Variants in PDE4D observed in about 807,000 individuals in gnomAD.
PDE4D encodes the protein 3',5'-cyclic-AMP phosphodiesterase 4D.
Under a neutral mutation model 87.4 loss-of-function variants are expected in PDE4D, and 24 were observed. That is an observed-to-expected ratio of 0.27 (90% CI 0.20 to 0.39). The LOEUF (loss-of-function observed/expected upper bound fraction) is 0.39. Among genes scored for constraint, PDE4D ranks in the 10% least tolerant of loss-of-function variants. The pLI, the probability that PDE4D is intolerant of heterozygous loss-of-function variation, is 1.00. For synonymous variants in PDE4D, 384 were observed against 383.2 expected, an observed-to-expected ratio of 1.00 and a Z score of -0.02; for missense variants, 714 against 1,041.0, an observed-to-expected ratio of 0.69 and a Z score of 4.32.
intron 2 of PDE4D, among the ~76,000 whole-genome samples, chr5:60,153,276 GT>G (rs1180244038): frequency 1.3e-5 from 2 of 152,128 alleles, no homozygotes; most frequent in Non-Finnish European, 2.9e-5. Flanking sequence ...GATAAAAAAT[GT>G]TCAACATCAC....
At chr5:58,995,905 T>C (rs1464398524) in intron 6 of PDE4D, among the ~76,000 whole-genome samples, 1 of 152,156 alleles carries the variant, frequency 6.6e-6, no homozygotes, top group Non-Finnish European at 1.5e-5. Flanking sequence ...CCATCAGTGA[T>C]AGACTGGATT....
At chr5:60,418,212 A>G (rs1292344669) in intron 1 of PDE4D, among the ~76,000 whole-genome samples, 2 of 152,246 alleles carry the variant, frequency 1.3e-5, no homozygotes, top group African/African-American at 4.8e-5. Flanking sequence ...TAGAAAGCTC[A>G]CAGGACATGA....
At chr5:60,100,231 A>G (rs903105412) in intron 2 of PDE4D, among the ~76,000 whole-genome samples, 1 of 152,062 alleles carries the variant, frequency 6.6e-6, no homozygotes, top group African/African-American at 2.4e-5. Context: ...ATAACATATA[A>G]TGAGTATTAC....
chr5:60,115,175 CTG>C (rs1778052550), intron 2 of PDE4D, among the ~76,000 whole-genome samples: 1 of 152,110 alleles, frequency 6.6e-6, no homozygotes, highest in African/African-American at 2.4e-5. Flanking sequence ...GTGGGGTACA[CTG>C]TTAACATAAA....
Position 58,976,470 on chromosome 5 carries a change from T to G in PDE4D, c.1710A>C (p.Val570=). The G allele has an allele frequency of 6.4e-7, 1 of 1,555,292 alleles. No homozygotes were observed. Among genetic ancestry groups the G allele is most frequent in the Non-Finnish European group, 8.7e-7 (1 of 1,145,606 alleles). Residue 570 remains valine (V), a splice_region_variant and synonymous_variant, in exon 13 of 15, where the codon GTA becomes GTC. Transcript: ENST00000340635. The part of the protein sequence containing the change: ...QSLRKMVIDI[V]LATDMSKHMN... Reference sequence around the variant, plus strand: ...TGTGTTTTGACATATCTGTTGCAAGTACCTTAAAATATAGAGTATATTATT... The same window carrying G: ...TGTGTTTTGACATATCTGTTGCAAGGACCTTAAAATATAGAGTATATTATT...
intron 1 of PDE4D, among the ~76,000 whole-genome samples, chr5:59,237,076 A>C (rs1193900670): frequency 6.6e-6 from 1 of 152,232 alleles, no homozygotes; most frequent in East Asian, 1.9e-4. Context: ...CAGATAATGA[A>C]GTTTTAGACC....
At chr5:60,296,980 T>C (rs1463634880) in intron 1 of PDE4D, among the ~76,000 whole-genome samples, 1 of 151,928 alleles carries the variant, frequency 6.6e-6, no homozygotes, top group Non-Finnish European at 1.5e-5. Flanking sequence ...TTAGGAGAAA[T>C]ACCTAATGTA....
intron 5 of PDE4D, among the ~76,000 whole-genome samples, chr5:59,112,374 T>C (rs1245819095): frequency 6.6e-6 from 1 of 152,178 alleles, no homozygotes; most frequent in Non-Finnish European, 1.5e-5. Context: ...ATGGGAGCCA[T>C]TGCAAGGTTA....
chr5:60,313,963 C>T (rs760001585), intron 1 of PDE4D, among the ~76,000 whole-genome samples: 20 of 152,138 alleles, frequency 1.3e-4, no homozygotes, highest in Non-Finnish European at 2.5e-4. Flanking sequence ...CCATCTATAA[C>T]AAACCCACAG....
At chr5:60,474,124 A>ATATG (rs1748104836) in intron 1 of PDE4D, among the ~76,000 whole-genome samples, 1 of 95,262 alleles carries the variant, frequency 1.0e-5, no homozygotes, top group Non-Finnish European at 1.9e-5. Context: ...ATATATATAT[A>ATATG]TATATATATA....
At chr5:59,069,405 G>T (rs964163295) in intron 5 of PDE4D, among the ~76,000 whole-genome samples, 1 of 152,122 alleles carries the variant, frequency 6.6e-6, no homozygotes, top group African/African-American at 2.4e-5. Flanking sequence ...TTGATATAGG[G>T]ATATTTCAGT....
chr5:60,515,621 T>TTG (rs1274125692), intron 1 of PDE4D, among the ~76,000 whole-genome samples: 93 of 139,322 alleles, frequency 6.7e-4, no homozygotes, highest in African/African-American at 2.6e-3. Context: ...TTTTTTTTTC[T>TTG]GTCAGGATGA....
chr5:60,008,842 T>C (rs1764736326), intron 2 of PDE4D, among the ~76,000 whole-genome samples: 1 of 152,078 alleles, frequency 6.6e-6, no homozygotes, highest in African/African-American at 2.4e-5. Flanking sequence ...TTTTAGACTT[T>C]ATATTTTCAT....
chr5:60,357,294 A>C (rs763573527), intron 1 of PDE4D, among the ~76,000 whole-genome samples: 15 of 152,088 alleles, frequency 9.9e-5, no homozygotes, highest in Admixed American at 2.6e-4. Flanking sequence ...CTACTAAATA[A>C]TTTTTTGAGC....
intron 12 of PDE4D, 47 bp downstream of exon 12, chr5:58,977,144 A>G: frequency 1.3e-6 from 2 of 1,537,104 alleles, no homozygotes; most frequent in Non-Finnish European, 1.8e-6. Flanking sequence ...TAAATTATAA[A>G]CAACTTGCAT....
intron 1 of PDE4D, among the ~76,000 whole-genome samples, chr5:59,246,572 A>G (rs1007569516): frequency 6.6e-6 from 1 of 152,122 alleles, no homozygotes; most frequent in Non-Finnish European, 1.5e-5. Context: ...AAAACATATC[A>G]CCAGATGGGG....
chr5:59,572,930 GA>G (rs1301342246), intron 1 of PDE4D, among the ~76,000 whole-genome samples: 1 of 152,164 alleles, frequency 6.6e-6, no homozygotes, highest in African/African-American at 2.4e-5. Context: ...CAGATACCAT[GA>G]TTTATATATG....
chr5:59,130,325 C>T (rs1776092941), intron 5 of PDE4D, among the ~76,000 whole-genome samples: 1 of 152,110 alleles, frequency 6.6e-6, no homozygotes, highest in South Asian at 2.1e-4. Context: ...GATAAGACGC[C>T]AAATCAATTC....
intron 1 of PDE4D, among the ~76,000 whole-genome samples, chr5:59,375,732 C>A (rs190746966): frequency 2.0e-5 from 3 of 152,168 alleles, no homozygotes; most frequent in Non-Finnish European, 1.5e-5. Flanking sequence ...AGAAATATAA[C>A]AAAAATTTAA....
Sources: gnomAD v4.1 joint callset for allele counts (sites outside exome capture counted in the v4.1 genomes callset) on GRCh38, gnomAD v4.1.1 for gene constraint, MANE v1.5 for transcripts, NCBI Gene and HGNC (gene_info 2026-07-23, HGNC 2026-07-21) for gene names.